The following IGFBP7 variants were observed in gnomAD, a reference collection of about 807,000 sequenced individuals.
IGFBP7 encodes the protein insulin-like growth factor-binding protein 7.
In IGFBP7, 31 loss-of-function variants were observed where a neutral mutation model predicts 29.4. The observed-to-expected ratio is 1.05, with a 90% CI of 0.79 to 1.42. IGFBP7 has a LOEUF of 1.42. Ranked by LOEUF, IGFBP7 falls within the 40% of genes most tolerant of loss-of-function variation. IGFBP7 has a pLI of 0.00. For missense variants in IGFBP7, 393 were observed against 395.5 expected (o/e 0.99, Z 0.05); for synonymous variants, 172 against 174.9 (o/e 0.98, Z 0.13).
At chr4:57,099,619 G>A (rs1725843164) in intron 1 of IGFBP7, among the ~76,000 whole-genome samples, 1 of 152,144 alleles carries the variant, frequency 6.6e-6, no homozygotes, top group Non-Finnish European at 1.5e-5. Flanking sequence ...AACAGCACAC[G>A]CAAACATTAT....
intron 2 of IGFBP7, among the ~76,000 whole-genome samples, chr4:57,034,905 A>T (rs988491247): frequency 7.2e-5 from 11 of 152,204 alleles, no homozygotes; most frequent in African/African-American, 2.7e-4. Flanking sequence ...AACATACTCA[A>T]TAGGTACCTT....
At chr4:57,045,002 GC>G (rs1227969400) in intron 1 of IGFBP7, among the ~76,000 whole-genome samples, 4 of 152,136 alleles carry the variant, frequency 2.6e-5, no homozygotes, top group Non-Finnish European at 5.9e-5. Flanking sequence ...TAGCAACAGT[GC>G]CCAGCCATGA....
Position 57,054,991 on chromosome 4 carries a change from C to A in IGFBP7, c.476-14058G>T, listed in dbSNP as rs139532369. On this transcript the variant is annotated intron_variant, in intron 1 of 4. Transcript: ENST00000295666. The stretch of plus-strand genomic sequence containing the variant: ...TCACACTTTAGAAATCCCAGCAAAT[C>A]CTTCAGGCGAGGCTGACGGCACTGG... Among the ~76,000 whole-genome samples, 417 of 152,312 alleles carry A rather than the reference C, an allele frequency of 2.7e-3. 2 individuals carry two copies. Among genetic ancestry groups the A allele is most frequent in the African/African-American group, 9.8e-3 (406 of 41,560 alleles).
At chr4:57,073,354 G>C (rs1239103770) in intron 1 of IGFBP7, among the ~76,000 whole-genome samples, 2 of 152,032 alleles carry the variant, frequency 1.3e-5, no homozygotes, top group African/African-American at 4.8e-5. Context: ...CAGCACTTTG[G>C]GAGGCTGAGA....
intron 1 of IGFBP7, among the ~76,000 whole-genome samples, chr4:57,043,072 C>T (rs1178603329): frequency 2.0e-5 from 3 of 152,188 alleles, no homozygotes; most frequent in Admixed American, 6.5e-5. Context: ...CCTGGCTTCC[C>T]GGCATCTGCA....
At position 57,110,251 on chromosome 4, in the gene IGFBP7, G is replaced by A; in HGVS notation, c.101C>T (p.Pro34Leu). ...GGGCGGGCAGGAGGCCGGCTCGCAG[G>A]GGCCGCAGGTGTCCGAAGAGGAGGA... is the stretch of plus-strand genomic sequence containing the variant. ...SSSSSSDTCG[P>L]CEPASCPPLP... Residue 34 changes from proline (P) to leucine (L), a missense_variant, in exon 1 of 5, where the codon CCC becomes CTC. Pro to Leu is a moderately conservative substitution (Grantham distance 98). Transcript: ENST00000295666. 7.1e-7 allele frequency: 1 copy of A among 1,399,710 alleles called. No homozygotes were observed. Among genetic ancestry groups the A allele is most frequent in the Non-Finnish European group, 9.3e-7 (1 of 1,079,028 alleles). The allele number at this position is 1,399,710 out of a possible 1,614,324, so 86.7% of individuals were successfully genotyped here.
intron 1 of IGFBP7, among the ~76,000 whole-genome samples, chr4:57,101,088 AGCATAGTCC>A (rs1181566452): frequency 5.9e-5 from 9 of 152,266 alleles, no homozygotes; most frequent in Admixed American, 2.0e-4. Flanking sequence ...TATTTGGTGC[AGCATAGTCC>A]GCATAGTTTA....
intron 1 of IGFBP7, among the ~76,000 whole-genome samples, chr4:57,051,223 C>A (rs1416710465): frequency 1.3e-5 from 2 of 152,148 alleles, no homozygotes; most frequent in Non-Finnish European, 2.9e-5. Flanking sequence ...TAAGGGGAAG[C>A]AGTAACTGTA....
Position 57,087,462 on chromosome 4 carries a change from G to A in IGFBP7, c.475+22415C>T, listed in dbSNP as rs116867601. 2.0e-4 allele frequency among the ~76,000 whole-genome samples: 31 copies of A among 152,308 alleles called. No homozygotes were observed. In the East Asian group the frequency reaches 6.0e-3, roughly 29 times the overall value. ...TTTATATTTTGCTCTGTATAAATTT[G>A]TTGTAGCAGATTCCTTACTAACTGT... is the stretch of plus-strand genomic sequence containing the variant. On this transcript the variant is annotated intron_variant, in intron 1 of 4. Coordinates refer to ENST00000295666, the MANE Select transcript of IGFBP7 (RefSeq NM_001553.3).
At chr4:57,103,644 T>G (rs1428457324) in intron 1 of IGFBP7, among the ~76,000 whole-genome samples, 2 of 108,936 alleles carry the variant, frequency 1.8e-5, no homozygotes, top group African/African-American at 7.1e-5. Flanking sequence ...GAACTTTTCT[T>G]TTTTTTTTTT....
intron 1 of IGFBP7, among the ~76,000 whole-genome samples, chr4:57,076,548 T>C (rs751030143): frequency 6.6e-6 from 1 of 152,230 alleles, no homozygotes; most frequent in African/African-American, 2.4e-5. Context: ...GGCTCCAGCC[T>C]GCTCTGTACA....
At chr4:57,099,790 G>T (rs907366799) in intron 1 of IGFBP7, among the ~76,000 whole-genome samples, 2 of 152,192 alleles carry the variant, frequency 1.3e-5, no homozygotes, top group African/African-American at 4.8e-5. Flanking sequence ...GAGTGCAGTG[G>T]CACAATCATA....
chr4:57,032,811 T>C (rs191713871), intron 3 of IGFBP7, among the ~76,000 whole-genome samples: 3 of 152,258 alleles, frequency 2.0e-5, no homozygotes, highest in African/African-American at 7.2e-5. Flanking sequence ...GTACACATTA[T>C]CGGTTTAAGG....
intron 1 of IGFBP7, among the ~76,000 whole-genome samples, chr4:57,095,408 A>G (rs1725736899): frequency 6.6e-6 from 1 of 152,166 alleles, no homozygotes; most frequent in South Asian, 2.1e-4. Context: ...ATGAGAATGT[A>G]TTGTACTTAT....
chr4:57,046,125 GGGACACCAAGA>G (rs1724353369), intron 1 of IGFBP7, among the ~76,000 whole-genome samples: 1 of 152,132 alleles, frequency 6.6e-6, no homozygotes, highest in Non-Finnish European at 1.5e-5. Flanking sequence ...GTGACCCACA[GGGACACCAAGA>G]GGACAAGTCT....
intron 1 of IGFBP7, among the ~76,000 whole-genome samples, chr4:57,097,939 C>G (rs1725799611): frequency 1.3e-5 from 2 of 152,188 alleles, no homozygotes; most frequent in Non-Finnish European, 2.9e-5. Flanking sequence ...AACCCACAGT[C>G]ACAACCATGG....
At chr4:57,073,892 A>T (rs1047110117) in intron 1 of IGFBP7, among the ~76,000 whole-genome samples, 1 of 152,268 alleles carries the variant, frequency 6.6e-6, no homozygotes, top group South Asian at 2.1e-4. Context: ...CATAATCTCT[A>T]TCGCACAAAG....
At chr4:57,105,514 A>T (rs1726002004) in intron 1 of IGFBP7, among the ~76,000 whole-genome samples, 2 of 152,230 alleles carry the variant, frequency 1.3e-5, no homozygotes, top group Non-Finnish European at 2.9e-5. Context: ...ACAACAATTA[A>T]TGTTCATCCA....
chr4:57,030,905 T>G lies in IGFBP7; in HGVS notation c.*412A>C, dbSNP rs529967662. On this transcript the variant is annotated 3_prime_UTR_variant, in exon 5 of 5. Coordinates refer to ENST00000295666, the MANE Select transcript of IGFBP7 (RefSeq NM_001553.3). ...ATTTGTTTTTTCTTTTCAGATTTCT[T>G]TGGTGCGAATGCCTTACGCATGCAA... The G allele has an allele frequency of 3.1e-6, 5 of 1,599,000 alleles. No homozygotes were observed. The East Asian group carries it at 8.9e-5, about 29-fold the overall frequency.
Sources: gnomAD v4.1 joint callset for allele counts (sites outside exome capture counted in the v4.1 genomes callset) on GRCh38, gnomAD v4.1.1 for gene constraint, MANE v1.5 for transcripts, NCBI Gene and HGNC (gene_info 2026-07-23, HGNC 2026-07-21) for gene names.